Variants in ADAMTS2 observed in about 807,000 individuals in gnomAD.
ADAMTS2 encodes A disintegrin and metalloproteinase with thrombospondin motifs 2.
In ADAMTS2, 50 loss-of-function variants were observed where a neutral mutation model predicts 123.0. That is an observed-to-expected ratio of 0.41 (90% CI 0.32 to 0.51). The LOEUF is 0.51. Ranked by LOEUF, ADAMTS2 falls within the 20% of genes least tolerant of loss-of-function variation. The probability of loss-of-function intolerance (pLI) is 0.35; values close to 1 mark genes in which losing one functional copy is unlikely to be tolerated. For missense variants in ADAMTS2, 1,494 were observed against 1,705.2 expected (o/e 0.88, Z 2.18); for synonymous variants, 678 against 695.4 (o/e 0.98, Z 0.39).
intron 2 of ADAMTS2, 98 bp downstream of exon 2, chr5:179,343,669 G>A (rs774843064): frequency 6.7e-6 from 10 of 1,492,092 alleles, no homozygotes; most frequent in Middle Eastern, 2.0e-4. Context: ...AAAGTCCTCA[G>A]CGCAGGCCTT....
intron 2 of ADAMTS2, among the ~76,000 whole-genome samples, chr5:179,277,258 G>A (rs1766722971): frequency 6.6e-6 from 1 of 151,922 alleles, no homozygotes; most frequent in Non-Finnish European, 1.5e-5. Flanking sequence ...ACCACCGTGC[G>A]ATGCGCACAA....
In ADAMTS2 at chr5:179,188,927, G is replaced by A. The variant is rs1764236537; in HGVS notation, c.892-7772C>T. Among the ~76,000 whole-genome samples, 1 of 152,074 alleles carries A rather than the reference G, an allele frequency of 6.6e-6. No homozygotes were observed. The highest frequency in any genetic ancestry group is 1.5e-5 in the Non-Finnish European group (1 of 68,012). ...GACAGGTCGCATTACAAACCTTCCC[G>A]GGTTTGTACTAACGACGGCAAGAGG... On this transcript the variant is annotated intron_variant, in intron 4 of 21. Coordinates refer to ENST00000251582, the MANE Select transcript of ADAMTS2 (RefSeq NM_014244.5). This position sits in a 1 kb window ranked among gnomAD's most constrained non-coding sequence, Gnocchi z 5.1.
intron 2 of ADAMTS2, among the ~76,000 whole-genome samples, chr5:179,277,865 C>CG (rs1766769898): frequency 4.0e-4 from 1 of 2,506 alleles, no homozygotes; most frequent in Non-Finnish European, 9.2e-4. Flanking sequence ...CTGACCCCCC[C>CG]TGAGACCAAA....
intron 4 of ADAMTS2, among the ~76,000 whole-genome samples, chr5:179,206,360 A>T (rs1471416190): frequency 6.6e-6 from 1 of 152,014 alleles, no homozygotes; most frequent in African/African-American, 2.4e-5. Flanking sequence ...GGAGGGGCTC[A>T]CCCCTGGTCC....
intron 3 of ADAMTS2, among the ~76,000 whole-genome samples, chr5:179,237,513 C>CT (rs1765559269): frequency 6.6e-6 from 1 of 152,186 alleles, no homozygotes; most frequent in African/African-American, 2.4e-5. Context: ...GCAGCCTCTA[C>CT]TGACTAAGAC....
chr5:179,325,771 C>T (rs1280804814), intron 2 of ADAMTS2, among the ~76,000 whole-genome samples: 10 of 152,250 alleles, frequency 6.6e-5, no homozygotes, highest in African/African-American at 2.2e-4. Flanking sequence ...CCCTGAGCCC[C>T]GCATTCCCCC....
At position 179,262,218 on chromosome 5, in the gene ADAMTS2, C is replaced by G. The variant is rs1239039432; in HGVS notation, c.688+10693G>C. Among the ~76,000 whole-genome samples, 2 of 152,142 alleles carry G rather than the reference C, an allele frequency of 1.3e-5. No homozygotes were observed. ...ACCAGCACACCTGCCCGGCCACCCC[C>G]ACCAGCACACCTGCCCGGCCAGCCT... On this transcript the variant is annotated intron_variant, in intron 3 of 21. Coordinates refer to ENST00000251582, the MANE Select transcript of ADAMTS2 (RefSeq NM_014244.5). The surrounding 1 kb of genome is among the most constrained non-coding windows in gnomAD (Gnocchi z 5.9).
At chr5:179,182,103 G>A (rs758710929) in intron 4 of ADAMTS2, among the ~76,000 whole-genome samples, 16 of 152,084 alleles carry the variant, frequency 1.1e-4, no homozygotes, top group Non-Finnish European at 1.9e-4. Flanking sequence ...CCCCTGGAAG[G>A]CCCCCCGCAG....
intron 3 of ADAMTS2, among the ~76,000 whole-genome samples, chr5:179,227,047 A>C (rs928519200): frequency 9.9e-5 from 15 of 152,280 alleles, no homozygotes; most frequent in Non-Finnish European, 2.2e-4. Flanking sequence ...GAAAAACGAA[A>C]ACACAGTATC....
intron 5 of ADAMTS2, among the ~76,000 whole-genome samples, chr5:179,168,993 A>G (rs1382664971): frequency 6.6e-6 from 1 of 152,248 alleles, no homozygotes; most frequent in East Asian, 1.9e-4. Context: ...CCAAGCTGCC[A>G]GAACAGGATT....
At chr5:179,156,210 A>G (rs1424583708) in intron 6 of ADAMTS2, among the ~76,000 whole-genome samples, 2 of 151,810 alleles carry the variant, frequency 1.3e-5, no homozygotes, top group Admixed American at 6.6e-5. Flanking sequence ...CTCTTATTTT[A>G]CTTTGTGGCT....
At chr5:179,309,705 C>A (rs1451195210) in intron 2 of ADAMTS2, among the ~76,000 whole-genome samples, 1 of 138,930 alleles carries the variant, frequency 7.2e-6, no homozygotes, top group Non-Finnish European at 1.5e-5. Flanking sequence ...TGCAGTGAGC[C>A]GAGATCATGC....
At chr5:179,266,706 A>T (rs1766380907) in intron 3 of ADAMTS2, among the ~76,000 whole-genome samples, 1 of 152,166 alleles carries the variant, frequency 6.6e-6, no homozygotes, top group African/African-American at 2.4e-5. Flanking sequence ...AGGCTCTCTG[A>T]CCTGGCATTC....
chr5:179,114,887 C>T (rs931435053), intron 21 of ADAMTS2, among the ~76,000 whole-genome samples: 1 of 152,214 alleles, frequency 6.6e-6, no homozygotes, highest in Non-Finnish European at 1.5e-5. Context: ...GACCCAGATG[C>T]CCCGGACGAT....
rs112371719 is a variant in ADAMTS2 at position 179,196,626 on chromosome 5, A to C, written c.891+10887T>G. Among the ~76,000 whole-genome samples, 314 of 152,374 alleles carry C rather than the reference A, an allele frequency of 2.1e-3. 3 individuals are homozygous for C. Among genetic ancestry groups the C allele is most frequent in the African/African-American group, 7.2e-3 (300 of 41,584 alleles). On this transcript the variant is annotated intron_variant, in intron 4 of 21. Transcript: ENST00000251582. Reference sequence around the variant, plus strand: ...GGGGTCTGAGCAGCCCACTGTGCTCAGTACTTCCCTAATACGTACACCCAC... The same window carrying C: ...GGGGTCTGAGCAGCCCACTGTGCTCCGTACTTCCCTAATACGTACACCCAC...
intron 5 of ADAMTS2, among the ~76,000 whole-genome samples, chr5:179,178,767 T>C (rs1363725425): frequency 6.6e-6 from 1 of 152,230 alleles, no homozygotes; most frequent in African/African-American, 2.4e-5. Flanking sequence ...TTGGTTTTGT[T>C]GCTGTTGAAA....
chr5:179,127,663 G>C (rs1278830679), intron 17 of ADAMTS2, among the ~76,000 whole-genome samples: 1 of 152,052 alleles, frequency 6.6e-6, no homozygotes, highest in Non-Finnish European at 1.5e-5. Context: ...CTTCTGAGGT[G>C]TCCACACATC....
In ADAMTS2 at chr5:179,185,072, C is replaced by T. The variant is rs1411185526; in HGVS notation, c.892-3917G>A. Among the ~76,000 whole-genome samples, 1 of 152,126 alleles carries T rather than the reference C, an allele frequency of 6.6e-6. No homozygotes were observed. Among genetic ancestry groups the T allele is most frequent in the Non-Finnish European group, 1.5e-5 (1 of 68,024 alleles). ...TCCCAGGGTTGGAAGCAGCGAGGCA[C>T]CTTCCAAGCACAGAGGGGATGTGGA... On this transcript the variant is annotated intron_variant, in intron 4 of 21. Transcript: ENST00000251582. The surrounding 1 kb of genome is among the most constrained non-coding windows in gnomAD (Gnocchi z 5.9).
intron 2 of ADAMTS2, among the ~76,000 whole-genome samples, chr5:179,275,474 G>A (rs1159856384): frequency 6.6e-6 from 1 of 152,210 alleles, no homozygotes; most frequent in Non-Finnish European, 1.5e-5. Flanking sequence ...ATGGTGGAAA[G>A]AGACTCTGCG....
Sources: allele counts gnomAD v4.1 joint callset (sites outside exome capture counted in the v4.1 genomes callset), GRCh38; gene constraint gnomAD v4.1.1; non-coding constraint Gnocchi (gnomAD v3.1); transcripts MANE v1.5; gene names NCBI Gene and HGNC (gene_info 2026-07-23, HGNC 2026-07-21).